DLG2: variants seen among roughly 807,000 people sequenced by gnomAD.
The protein encoded by DLG2 is disks large homolog 2.
In DLG2, 45 loss-of-function variants were observed where a neutral mutation model predicts 132.5. The observed-to-expected ratio is 0.34, with a 90% CI of 0.27 to 0.44. The LOEUF is 0.44. Among genes scored for constraint, DLG2 ranks in the 20% least tolerant of loss-of-function variants. The pLI, the probability that DLG2 is intolerant of heterozygous loss-of-function variation, is 1.00. For synonymous variants in DLG2, 424 were observed against 419.6 expected (o/e 1.01, Z -0.13); for missense variants, 1,045 against 1,196.9 (o/e 0.87, Z 1.87).
At chr11:84,264,530 AAG>A (rs1423145487) in intron 7 of DLG2, among the ~76,000 whole-genome samples, 1 of 152,126 alleles carries the variant, frequency 6.6e-6, no homozygotes, top group African/African-American at 2.4e-5. Context: ...AAAAGAATGA[AAG>A]AGAAGGAGCA....
chr11:84,261,662 T>C (rs963474806), intron 7 of DLG2, among the ~76,000 whole-genome samples: 4 of 152,164 alleles, frequency 2.6e-5, no homozygotes, highest in Non-Finnish European at 5.9e-5. Flanking sequence ...CGTGCAGAAA[T>C]TGTAATCATT....
At chr11:83,801,393 T>C (rs1029683896) in intron 17 of DLG2, among the ~76,000 whole-genome samples, 1 of 152,218 alleles carries the variant, frequency 6.6e-6, no homozygotes, top group African/African-American at 2.4e-5. Flanking sequence ...AATCTTTCTT[T>C]TGGCTCCTTG....
chr11:83,824,881 T>C (rs2052043147), intron 17 of DLG2, among the ~76,000 whole-genome samples: 1 of 152,052 alleles, frequency 6.6e-6, no homozygotes, highest in Non-Finnish European at 1.5e-5. Context: ...TGGTTCCCAA[T>C]GTACTATTTT....
At chr11:83,870,264 C>T (rs11820448) in intron 16 of DLG2, among the ~76,000 whole-genome samples, 13,579 of 152,216 alleles carry the variant, frequency 0.089, 752 homozygotes, top group African/African-American at 0.15. Context: ...CAAGTAATTT[C>T]GCACTGTCCA....
intron 3 of DLG2, among the ~76,000 whole-genome samples, chr11:85,410,436 C>T (rs2089208989): frequency 6.6e-6 from 1 of 151,760 alleles, no homozygotes; most frequent in East Asian, 1.9e-4. Context: ...GCCCCTTTCT[C>T]AAAAGAATTT....
intron 10 of DLG2, among the ~76,000 whole-genome samples, chr11:84,062,945 C>T (rs997865431): frequency 6.6e-6 from 1 of 152,050 alleles, no homozygotes; most frequent in African/African-American, 2.4e-5. Flanking sequence ...AGTAAAGCCA[C>T]CAACTGTATT....
chr11:85,496,399 G>T (rs1470779117), intron 3 of DLG2, among the ~76,000 whole-genome samples: 8 of 152,238 alleles, frequency 5.3e-5, no homozygotes, highest in African/African-American at 1.9e-4. Flanking sequence ...TGCTCACAAT[G>T]TAACAAAGTG....
intron 6 of DLG2, among the ~76,000 whole-genome samples, chr11:85,038,426 T>C (rs2061588414): frequency 6.6e-6 from 1 of 152,048 alleles, no homozygotes; most frequent in South Asian, 2.1e-4. Flanking sequence ...ACAGATCATT[T>C]CTTTCAAGCC....
At position 84,244,243 on chromosome 11, in the gene DLG2, G is replaced by A. The variant is rs569312297; in HGVS notation, c.573+6995C>T. On this transcript the variant is annotated intron_variant, in intron 8 of 27. Transcript: ENST00000376104. ...TCTCACCCAGGGTGGGAGTGCAGTG[G>A]CACAATCTCAGCTCATTGCAACCTC... Among the ~76,000 whole-genome samples, 11 of 152,166 alleles carry A rather than the reference G, an allele frequency of 7.2e-5. No individual in the cohort carries two copies. In the South Asian group the frequency reaches 2.1e-3, roughly 29 times the overall value.
intron 6 of DLG2, among the ~76,000 whole-genome samples, chr11:85,105,480 TTAGAGGCACTC>T (rs1365790694): frequency 6.6e-6 from 1 of 151,926 alleles, no homozygotes; most frequent in Non-Finnish European, 1.5e-5. Flanking sequence ...AAAAATGAAA[TTAGAGGCACTC>T]TACAGAACTC....
chr11:85,508,644 A>C (rs1233570446), intron 3 of DLG2, among the ~76,000 whole-genome samples: 1 of 152,072 alleles, frequency 6.6e-6, no homozygotes. Flanking sequence ...ATTGATGGCA[A>C]ATTATACGCA....
At chr11:84,429,263 C>A (rs1423579370) in intron 7 of DLG2, among the ~76,000 whole-genome samples, 1 of 152,174 alleles carries the variant, frequency 6.6e-6, no homozygotes, top group Admixed American at 6.5e-5. Flanking sequence ...GAGTACAAAT[C>A]TTTCCCTTTA....
Position 85,452,866 on chromosome 11 carries a change from C to T in DLG2, c.40+145791G>A, listed in dbSNP as rs899383772. On this transcript the variant is annotated intron_variant, in intron 3 of 27. Coordinates refer to ENST00000376104, the MANE Select transcript of DLG2 (RefSeq NM_001142699.3). ...ATTTGCAGTTTAATTCAGTCATCTA[C>T]AAGAACAATCTGCCTATCACATTAT... is the stretch of plus-strand genomic sequence containing the variant. 1.3e-4 allele frequency: 25 copies of T among 185,530 alleles called. 1 individual carries two copies. Among genetic ancestry groups the T allele is most frequent in the Middle Eastern group, 3.0e-3 (1 of 336 alleles). The allele number at this position is 185,530 out of a possible 1,614,324, so 11.5% of individuals were successfully genotyped here.
chr11:85,430,794 A>G (rs538828128), intron 3 of DLG2, among the ~76,000 whole-genome samples: 1 of 152,132 alleles, frequency 6.6e-6, no homozygotes, highest in South Asian at 2.1e-4. Context: ...TCAATCAGGA[A>G]AACATTCTGA....
At chr11:85,194,214 T>G (rs2080860995) in intron 4 of DLG2, among the ~76,000 whole-genome samples, 4 of 152,232 alleles carry the variant, frequency 2.6e-5, no homozygotes, top group Admixed American at 2.6e-4. Context: ...GTTGGAGAAC[T>G]GCTAGTGTCT....
intron 17 of DLG2, among the ~76,000 whole-genome samples, chr11:83,805,408 A>C (rs925331668): frequency 2.0e-5 from 3 of 151,660 alleles, no homozygotes; most frequent in Non-Finnish European, 4.4e-5. Flanking sequence ...TTGATATATC[A>C]TGACATAATT....
chr11:83,961,366 A>G (rs75469544), intron 14 of DLG2, among the ~76,000 whole-genome samples: 11,617 of 152,084 alleles, frequency 0.076, 612 homozygotes, highest in Non-Finnish European at 0.12. Context: ...TGATGAACAT[A>G]GTTTTATATG....
rs935175675 is a variant in DLG2, at chr11:85,528,423, C to A, written c.40+70234G>T. Among the ~76,000 whole-genome samples, 7 of 152,080 alleles carry A rather than the reference C, an allele frequency of 4.6e-5. No individual in the cohort carries two copies. In the South Asian group the frequency reaches 1.4e-3, roughly 31 times the overall value. On this transcript the variant is annotated intron_variant, in intron 3 of 27. Transcript: ENST00000376104. The stretch of plus-strand genomic sequence containing the variant: ...GCATATGGCTAGCCAGTTTGCACAG[C>A]AGAAAAGGTGCTAAATTTCATTCAT...
At chr11:84,500,681 G>C (rs570920126) in intron 7 of DLG2, among the ~76,000 whole-genome samples, 1 of 152,092 alleles carries the variant, frequency 6.6e-6, no homozygotes, top group Non-Finnish European at 1.5e-5. Context: ...TTGAATTGGA[G>C]ACAAAAAAGT....
Sources: gnomAD v4.1 joint callset for allele counts (sites outside exome capture counted in the v4.1 genomes callset) on GRCh38, gnomAD v4.1.1 for gene constraint, MANE v1.5 for transcripts, NCBI Gene and HGNC (gene_info 2026-07-23, HGNC 2026-07-21) for gene names.